The following ZBTB7C variants were observed in gnomAD, a reference collection of about 807,000 sequenced individuals.
ZBTB7C encodes the protein zinc finger and BTB domain containing 7C.
A neutral mutation model predicts 25.7 loss-of-function variants in ZBTB7C; 8 were observed. The ratio of observed to expected loss-of-function variants is 0.31; its 90% confidence interval spans 0.18 to 0.56. The LOEUF is 0.56. Among genes scored for constraint, ZBTB7C ranks in the 20% least tolerant of loss-of-function variants. The pLI, the probability that ZBTB7C is intolerant of heterozygous loss-of-function variation, is 0.91. For synonymous variants in ZBTB7C, 394 were observed against 369.0 expected (o/e 1.07, Z -0.78); for missense variants, 824 against 855.2 (o/e 0.96, Z 0.46).
At chr18:48,368,995 G>T (rs895573294) in intron 1 of ZBTB7C, among the ~76,000 whole-genome samples, 5 of 152,134 alleles carry the variant, frequency 3.3e-5, no homozygotes, top group African/African-American at 1.2e-4. Context: ...ACAAGAGGAG[G>T]GAAGAAACAC....
chr18:48,261,194 G>A (rs146005613), intron 2 of ZBTB7C, among the ~76,000 whole-genome samples: 468 of 152,252 alleles, frequency 3.1e-3, no homozygotes, highest in Non-Finnish European at 5.5e-3. Context: ...GGAGAAAAGC[G>A]GAATGGAGAG....
intron 2 of ZBTB7C, among the ~76,000 whole-genome samples, chr18:48,245,494 CAA>C (rs5824738): frequency 7.5e-6 from 1 of 132,904 alleles, no homozygotes; most frequent in Non-Finnish European, 1.6e-5. Context: ...ATCAAGACAC[CAA>C]AAAAAAAAAA....
chr18:48,213,465 T>A (rs1045878300), intron 2 of ZBTB7C, among the ~76,000 whole-genome samples: 1 of 152,234 alleles, frequency 6.6e-6, no homozygotes, highest in Non-Finnish European at 1.5e-5. Context: ...CCTTTCCGTC[T>A]TCAATGGTTT....
intron 3 of ZBTB7C, among the ~76,000 whole-genome samples, chr18:48,180,765 G>A (rs1284559283): frequency 1.3e-5 from 2 of 152,168 alleles, no homozygotes; most frequent in African/African-American, 4.8e-5. Flanking sequence ...CTCCCACCAG[G>A]TGTAGGAACA....
intron 3 of ZBTB7C, among the ~76,000 whole-genome samples, chr18:48,105,102 A>G (rs189766421): frequency 6.6e-6 from 1 of 152,346 alleles, no homozygotes; most frequent in African/African-American, 2.4e-5. Context: ...TTTGCAAAGG[A>G]TGTATGCTCC....
intron 3 of ZBTB7C, among the ~76,000 whole-genome samples, chr18:48,096,371 A>T (rs2038633383): frequency 6.6e-6 from 1 of 152,192 alleles, no homozygotes; most frequent in African/African-American, 2.4e-5. Context: ...ATGATTCTTA[A>T]TGCGCTTTCT....
At chr18:48,294,076 C>T (rs939363091) in intron 2 of ZBTB7C, among the ~76,000 whole-genome samples, 1 of 152,256 alleles carries the variant, frequency 6.6e-6, no homozygotes, top group Non-Finnish European at 1.5e-5. Context: ...TGTTTACCTC[C>T]CTGGGGAAGG....
intron 1 of ZBTB7C, among the ~76,000 whole-genome samples, chr18:48,352,388 C>T (rs931674860): frequency 6.6e-6 from 1 of 152,230 alleles, no homozygotes; most frequent in Non-Finnish European, 1.5e-5. Flanking sequence ...GGGGCATCCG[C>T]AGTATTCCAA....
intron 1 of ZBTB7C, chr18:48,350,543 A>G (rs1179362089): frequency 2.6e-5 from 4 of 152,200 alleles, no homozygotes; most frequent in Non-Finnish European, 5.9e-5. Context: ...CAACATACTC[A>G]CAGGTTCTGG....
chr18:48,227,990 G>A (rs2043148936), intron 2 of ZBTB7C, among the ~76,000 whole-genome samples: 1 of 152,248 alleles, frequency 6.6e-6, no homozygotes, highest in East Asian at 1.9e-4. Context: ...AGCAATGGGA[G>A]GAAAGGGATG....
At chr18:48,347,124 G>GTTTTTTTTTTTTTTTTTTTTTTT (rs1158209713) in intron 1 of ZBTB7C, among the ~76,000 whole-genome samples, 1 of 80,510 alleles carries the variant, frequency 1.2e-5, no homozygotes, top group Non-Finnish European at 2.3e-5. Flanking sequence ...GTTTTTGTTT[G>GTTTTTTTTTTTTTTTTTTTTTTT]TTTTTTTTTT....
At chr18:48,092,773 G>A (rs2038467416) in intron 3 of ZBTB7C, among the ~76,000 whole-genome samples, 3 of 152,326 alleles carry the variant, frequency 2.0e-5, no homozygotes, top group South Asian at 2.1e-4. Flanking sequence ...TTCTAAGTGC[G>A]AAGTTAAAAT....
chr18:48,257,428 C>T (rs112704204), intron 2 of ZBTB7C, among the ~76,000 whole-genome samples: 11,332 of 152,044 alleles, frequency 0.075, 519 homozygotes, highest in South Asian at 0.12. Flanking sequence ...AAAACTTTCC[C>T]ATAAAGAAAA....
At chr18:48,387,289 C>T (rs1445084753) in intron 1 of ZBTB7C, among the ~76,000 whole-genome samples, 1 of 152,116 alleles carries the variant, frequency 6.6e-6, no homozygotes, top group Non-Finnish European at 1.5e-5. Flanking sequence ...GTAAAGTGTG[C>T]CGAATAGCAT....
intron 1 of ZBTB7C, among the ~76,000 whole-genome samples, chr18:48,382,506 G>A (rs547059526): frequency 1.3e-5 from 2 of 152,144 alleles, no homozygotes; most frequent in African/African-American, 4.8e-5. Flanking sequence ...TTATAAAAAC[G>A]CTTCTTCAAA....
chr18:48,355,626 C>G (rs990213283), intron 1 of ZBTB7C, among the ~76,000 whole-genome samples: 10 of 152,256 alleles, frequency 6.6e-5, no homozygotes, highest in Admixed American at 6.5e-4. Flanking sequence ...CACCACTGCA[C>G]TGCACAACTC....
intron 1 of ZBTB7C, among the ~76,000 whole-genome samples, chr18:48,401,088 T>C (rs1176184800): frequency 6.6e-6 from 1 of 152,206 alleles, no homozygotes. Flanking sequence ...GGAGGGATCC[T>C]AGCACCCCTC....
intron 3 of ZBTB7C, among the ~76,000 whole-genome samples, chr18:48,044,798 G>A (rs1279434288): frequency 1.3e-5 from 2 of 152,254 alleles, no homozygotes; most frequent in African/African-American, 4.8e-5. Context: ...TAAACAATGG[G>A]TTTCCCAAAG....
intron 2 of ZBTB7C, among the ~76,000 whole-genome samples, chr18:48,232,494 C>A (rs2043281196): frequency 6.6e-6 from 1 of 151,910 alleles, no homozygotes. Flanking sequence ...CTAGACCAGC[C>A]CATCTGCCAG....
Sources: gnomAD v4.1 joint callset for allele counts (sites outside exome capture counted in the v4.1 genomes callset) on GRCh38, gnomAD v4.1.1 for gene constraint, MANE v1.5 for transcripts, NCBI Gene and HGNC (gene_info 2026-07-23, HGNC 2026-07-21) for gene names.